The following TENM4 variants were observed in gnomAD, a reference collection of about 807,000 sequenced individuals.
TENM4 encodes the protein teneurin-4.
Under a neutral mutation model 243.3 loss-of-function variants are expected in TENM4, and 82 were observed. The observed-to-expected ratio is 0.34, with a 90% CI of 0.28 to 0.40. The LOEUF is 0.40. TENM4 is among the 10% of genes least tolerant of loss of function. The pLI, the probability that TENM4 is intolerant of heterozygous loss-of-function variation, is 1.00. For synonymous variants in TENM4, 1,412 were observed against 1,456.3 expected, an observed-to-expected ratio of 0.97 and a Z score of 0.69; for missense variants, 3,138 against 3,673.3, an observed-to-expected ratio of 0.85 and a Z score of 3.77.
intron 16 of TENM4, among the ~76,000 whole-genome samples, chr11:78,779,813 G>C (rs563870004): frequency 6.6e-6 from 1 of 152,180 alleles, no homozygotes; most frequent in Non-Finnish European, 1.5e-5. Context: ...GCCTTATCAG[G>C]AATCCCTAGG....
At chr11:79,112,326 T>C (rs1861525582) in intron 4 of TENM4, among the ~76,000 whole-genome samples, 2 of 152,132 alleles carry the variant, frequency 1.3e-5, no homozygotes, top group Admixed American at 1.3e-4. Context: ...GTGGAGCATA[T>C]GGCATGGTTG....
At chr11:79,295,896 AACACACACACACACAC>A (rs199711050) in intron 2 of TENM4, among the ~76,000 whole-genome samples, 1,818 of 130,920 alleles carry the variant, frequency 0.014, 20 homozygotes, top group Non-Finnish European at 0.021. Flanking sequence ...CCAGGGATTA[AACACACACACACACAC>A]ACACACACAC....
chr11:79,054,709 G>A (rs879405271), intron 6 of TENM4, among the ~76,000 whole-genome samples: 33 of 152,062 alleles, frequency 2.2e-4, no homozygotes, highest in Non-Finnish European at 4.6e-4. Context: ...GCCTCCCAAA[G>A]TGCTGAGATT....
chr11:79,434,774 T>G (rs903002355), intron 1 of TENM4, among the ~76,000 whole-genome samples: 2 of 152,212 alleles, frequency 1.3e-5, no homozygotes, highest in African/African-American at 4.8e-5. Context: ...TTTACCTAAC[T>G]GCTTTTCATG....
rs762798194 is a variant in TENM4 at position 78,658,269 on chromosome 11, C to T, written c.8099G>A (p.Arg2700His). ...CTGCTGCTCGCGGGCCCACGCTTGG[C>T]GCACGGCTCTCTGCCGGGCCAGCTC... ...VLELARQRAV[R>H]QAWAREQQRL... Residue 2700 changes from arginine (R) to histidine (H), a missense_variant, in exon 34 of 34, where the codon CGC (arginine) becomes CAC (histidine). By Grantham distance (29) the Arg-to-His change is conservative. This residue lies in a region of TENM4 where 2,467 missense variants were observed against 3,059.1 expected (regional missense o/e 0.81). Coordinates refer to ENST00000278550, the MANE Select transcript of TENM4 (RefSeq NM_001098816.3). The T allele has an allele frequency of 1.6e-5, 26 of 1,613,198 alleles. No individual in the cohort carries two copies. Among genetic ancestry groups the T allele is most frequent in the East Asian group, 2.2e-5 (1 of 44,854 alleles).
At chr11:78,701,433 C>A in intron 28 of TENM4, 93 bp downstream of exon 28, 1 of 1,409,772 alleles carries the variant, frequency 7.1e-7, no homozygotes, top group South Asian at 1.5e-5. Context: ...ATCCCAAATC[C>A]TGAATTAAAA....
chr11:78,945,865 CTT>C (rs909552815), intron 6 of TENM4, among the ~76,000 whole-genome samples: 1 of 152,168 alleles, frequency 6.6e-6, no homozygotes, highest in African/African-American at 2.4e-5. Context: ...GGCCCTAACT[CTT>C]TTCAATTCTG....
At chr11:79,054,197 G>T (rs1196796835) in intron 6 of TENM4, among the ~76,000 whole-genome samples, 5 of 152,124 alleles carry the variant, frequency 3.3e-5, no homozygotes, top group African/African-American at 1.2e-4. Flanking sequence ...CATTTACATA[G>T]GAGGGAACTG....
intron 31 of TENM4, among the ~76,000 whole-genome samples, chr11:78,671,603 G>A (rs1858327306): frequency 6.6e-6 from 1 of 152,228 alleles, no homozygotes; most frequent in South Asian, 2.1e-4. Context: ...GAGCAGAATA[G>A]ATTTACTAAG....
chr11:79,277,807 T>G (rs541762630), intron 2 of TENM4, among the ~76,000 whole-genome samples: 1 of 152,254 alleles, frequency 6.6e-6, no homozygotes, highest in Admixed American at 6.5e-5. Context: ...GGAGTCTGCA[T>G]AGTTTTCTGA....
At chr11:78,992,587 T>C (rs370059928) in intron 6 of TENM4, among the ~76,000 whole-genome samples, 4 of 152,188 alleles carry the variant, frequency 2.6e-5, no homozygotes, top group South Asian at 4.1e-4. Context: ...AGTTTTGATG[T>C]GGATCTTGAG....
rs574194977 is a variant in TENM4 at position 78,948,947 on chromosome 11, C to T, written c.494-45424G>A. Reference sequence around the variant, plus strand: ...TGTACCTCATGTGTGATGAGACGTACATCTTACTGCGTCATATTAGGATGG... The same window carrying T: ...TGTACCTCATGTGTGATGAGACGTATATCTTACTGCGTCATATTAGGATGG... On this transcript the variant is annotated intron_variant, in intron 6 of 33. Coordinates refer to ENST00000278550, the MANE Select transcript of TENM4 (RefSeq NM_001098816.3). Among the ~76,000 whole-genome samples, 16 of 152,334 alleles carry T rather than the reference C, an allele frequency of 1.1e-4. 1 individual carries two copies. Among genetic ancestry groups the T allele is most frequent in the South Asian group, 1.0e-3 (5 of 4,828 alleles).
Position 79,438,996 on chromosome 11 carries a change from T to C in TENM4, c.-321+1513A>G, listed in dbSNP as rs1859338154. ...GCAGGCAAACTTTCAGGCTTGTCTTTCGAGAACCGGGAGCTCGCATCACAG... is the reference window on the plus strand; with the variant it reads ...GCAGGCAAACTTTCAGGCTTGTCTTCCGAGAACCGGGAGCTCGCATCACAG... On this transcript the variant is annotated intron_variant, in intron 1 of 33. Transcript: ENST00000278550. This position sits in a 1 kb window ranked among gnomAD's most constrained non-coding sequence, Gnocchi z 4.1. The C allele has an allele frequency of 2.0e-5, 3 of 151,952 alleles. No homozygotes were observed. Among genetic ancestry groups the C allele is most frequent in the Admixed American group, 1.3e-4 (2 of 15,252 alleles). 9.4% of individuals were successfully genotyped at this position (151,952 alleles called of 1,614,324 possible).
At chr11:79,115,276 C>T (rs1054116526) in intron 4 of TENM4, among the ~76,000 whole-genome samples, 1 of 152,134 alleles carries the variant, frequency 6.6e-6, no homozygotes, top group Non-Finnish European at 1.5e-5. Flanking sequence ...TAAGAAGCAA[C>T]CTGCCCAGCC....
Position 78,786,998 on chromosome 11 carries a change from G to C in TENM4, c.2265C>G (p.Cys755Trp). The change falls in exon 16 of 34, where the codon TGC (cysteine) becomes TGG (tryptophan). Residue 755 changes from cysteine to tryptophan, a missense_variant. Coordinates refer to ENST00000278550, the MANE Select transcript of TENM4 (RefSeq NM_001098816.3). The part of the protein sequence containing the change: ...RCEDGWMGAA[C>W]DQRACHPRCA... ...AGCGCGGGTGGCAGGCCCGCTGGTC[G>C]CAGGCTGCCCCCATCCAGCCATCCT... is the stretch of plus-strand genomic sequence containing the variant. 1 of 1,573,618 alleles carries C rather than the reference G, an allele frequency of 6.4e-7. No homozygotes were observed. The highest frequency in any genetic ancestry group is 8.6e-7 in the Non-Finnish European group (1 of 1,159,616).
intron 2 of TENM4, among the ~76,000 whole-genome samples, chr11:79,280,491 A>G (rs564655381): frequency 6.6e-6 from 1 of 152,272 alleles, no homozygotes; most frequent in South Asian, 2.1e-4. Flanking sequence ...GGAACAGGAG[A>G]AGCAGTGGAT....
chr11:79,217,857 G>T (rs1864083324), intron 2 of TENM4, among the ~76,000 whole-genome samples: 1 of 152,050 alleles, frequency 6.6e-6, no homozygotes, highest in Non-Finnish European at 1.5e-5. Context: ...TGAGTAGCTG[G>T]GATTACAGGT....
At chr11:78,674,437 A>G (rs1858412979) in intron 30 of TENM4, among the ~76,000 whole-genome samples, 1 of 152,182 alleles carries the variant, frequency 6.6e-6, no homozygotes, top group East Asian at 1.9e-4. Flanking sequence ...TCCAGTTCAC[A>G]CAGCAGAGAG....
intron 1 of TENM4, among the ~76,000 whole-genome samples, chr11:79,341,550 T>G (rs1458232441): frequency 6.6e-6 from 1 of 152,206 alleles, no homozygotes; most frequent in Non-Finnish European, 1.5e-5. Context: ...GAGCTAGAAC[T>G]TGAACTCAGC....
Sources: allele counts gnomAD v4.1 joint callset (sites outside exome capture counted in the v4.1 genomes callset), GRCh38; gene constraint gnomAD v4.1.1; regional missense constraint gnomAD v4.1.1; non-coding constraint Gnocchi (gnomAD v3.1); transcripts MANE v1.5; gene names NCBI Gene and HGNC (gene_info 2026-07-23, HGNC 2026-07-21).